Variants in TDRD3 observed in about 807,000 individuals in gnomAD.
The protein encoded by TDRD3 is tudor domain-containing protein 3.
A neutral mutation model predicts 86.7 loss-of-function variants in TDRD3; 45 were observed. The observed-to-expected ratio is 0.52, with a 90% CI of 0.41 to 0.67. TDRD3 has a LOEUF of 0.67. Ranked by LOEUF, TDRD3 falls within the 30% of genes least tolerant of loss-of-function variation. The pLI, the probability that TDRD3 is intolerant of heterozygous loss-of-function variation, is 0.00. For missense variants in TDRD3, 814 were observed against 889.0 expected, an observed-to-expected ratio of 0.92 and a Z score of 1.07; for synonymous variants, 298 against 301.7, an observed-to-expected ratio of 0.99 and a Z score of 0.13.
At chr13:60,564,038 C>T (rs1244403677) in intron 12 of TDRD3, among the ~76,000 whole-genome samples, 2 of 151,970 alleles carry the variant, frequency 1.3e-5, no homozygotes, top group Non-Finnish European at 2.9e-5. Flanking sequence ...ATGATTATTG[C>T]GGTTTTGTAT....
At chr13:60,449,161 G>A (rs1004952733) in intron 3 of TDRD3, among the ~76,000 whole-genome samples, 1 of 151,890 alleles carries the variant, frequency 6.6e-6, no homozygotes, top group Non-Finnish European at 1.5e-5. Context: ...TCTAGAAATC[G>A]GATGTTTTTA....
chr13:60,474,561 CT>C (rs1469071086), intron 5 of TDRD3, among the ~76,000 whole-genome samples: 1 of 152,204 alleles, frequency 6.6e-6, no homozygotes, highest in Non-Finnish European at 1.5e-5. Flanking sequence ...TGACTTCTTT[CT>C]TTCTACCTTC....
At chr13:60,532,997 G>A (rs1957619272) in intron 11 of TDRD3, among the ~76,000 whole-genome samples, 1 of 152,108 alleles carries the variant, frequency 6.6e-6, no homozygotes, top group Non-Finnish European at 1.5e-5. Context: ...GTCATGCTAA[G>A]ATATAGCATG....
At chr13:60,509,413 A>G (rs7994037) in intron 8 of TDRD3, 165 of 191,056 alleles carry the variant, frequency 8.6e-4, no homozygotes, top group African/African-American at 3.7e-3. Context: ...ATGGAGAAGT[A>G]TCAAAAAATT....
chr13:60,497,704 GTAGC>G (rs1392541925), intron 8 of TDRD3, among the ~76,000 whole-genome samples: 1 of 152,178 alleles, frequency 6.6e-6, no homozygotes, highest in Non-Finnish European at 1.5e-5. Flanking sequence ...GTAGGACCTT[GTAGC>G]TTGGAATGGG....
In TDRD3 at chr13:60,413,042, CA is replaced by C. The variant is rs1362250688; in HGVS notation, c.41+15639del. The stretch of plus-strand genomic sequence containing the variant: ...ATTCCCTGCAGTATCCCTGTACTCC[CA>C]ATTTTTTTTTTTTTTGCCTAAGTAC... On this transcript the variant is annotated intron_variant, in intron 1 of 13. Transcript: ENST00000377881. Among the ~76,000 whole-genome samples, 4 of 151,166 alleles carry C rather than the reference CA, an allele frequency of 2.6e-5. No homozygotes were observed. The East Asian group carries it at 7.8e-4, about 29-fold the overall frequency.
chr13:60,400,333 C>T (rs1014291660), intron 1 of TDRD3, among the ~76,000 whole-genome samples: 10 of 152,204 alleles, frequency 6.6e-5, no homozygotes, highest in Non-Finnish European at 1.5e-4. Flanking sequence ...GAGAAAGATT[C>T]AAAATGTTGA....
intron 1 of TDRD3, among the ~76,000 whole-genome samples, chr13:60,398,252 A>G (rs899134423): frequency 4.6e-5 from 7 of 152,196 alleles, no homozygotes; most frequent in African/African-American, 1.7e-4. Flanking sequence ...AAGATTTGCA[A>G]CGGCTCTCTG....
intron 12 of TDRD3, among the ~76,000 whole-genome samples, chr13:60,565,358 A>G (rs1479879010): frequency 6.6e-6 from 1 of 152,036 alleles, no homozygotes; most frequent in African/African-American, 2.4e-5. Flanking sequence ...CCCGGCCGTC[A>G]GTATCTTTTT....
intron 12 of TDRD3, among the ~76,000 whole-genome samples, chr13:60,542,313 T>G (rs184437988): frequency 6.6e-6 from 1 of 152,212 alleles, no homozygotes; most frequent in African/African-American, 2.4e-5. Context: ...TAAGTGGATC[T>G]GAAGGATATT....
At chr13:60,523,206 T>C (rs1253878582) in intron 10 of TDRD3, among the ~76,000 whole-genome samples, 1 of 152,194 alleles carries the variant, frequency 6.6e-6, no homozygotes, top group Non-Finnish European at 1.5e-5. Context: ...TACCTGATTT[T>C]CTACTACAAA....
chr13:60,559,095 A>C (rs1958274364), intron 12 of TDRD3, among the ~76,000 whole-genome samples: 1 of 151,992 alleles, frequency 6.6e-6, no homozygotes, highest in South Asian at 2.1e-4. Flanking sequence ...ATGTGTTTTG[A>C]ATAGAAGTAT....
At chr13:60,565,107 G>C (rs1408865538) in intron 12 of TDRD3, among the ~76,000 whole-genome samples, 1 of 137,162 alleles carries the variant, frequency 7.3e-6, no homozygotes, top group Non-Finnish European at 1.5e-5. Context: ...CCAGGCCGGA[G>C]TGCCGTGGCA....
At chr13:60,460,342 G>T in intron 3 of TDRD3, 38 bp from the exon 4 acceptor site, 1 of 1,530,438 alleles carries the variant, frequency 6.5e-7, no homozygotes, top group South Asian at 1.3e-5. Context: ...AGAGTTTCAT[G>T]ACTAGAAAGT....
At chr13:60,530,794 G>A (rs888828594) in intron 11 of TDRD3, among the ~76,000 whole-genome samples, 3 of 152,018 alleles carry the variant, frequency 2.0e-5, no homozygotes, top group Admixed American at 6.6e-5. Context: ...ATACAGTAAG[G>A]ATGTGCCTAT....
At position 60,408,080 on chromosome 13, in the gene TDRD3, C is replaced by T. The variant is rs1321545129; in HGVS notation, c.41+10675C>T. 3.9e-5 allele frequency among the ~76,000 whole-genome samples: 6 copies of T among 152,000 alleles called. 1 individual carries two copies. The South Asian group carries it at 6.2e-4, about 16-fold the overall frequency. On this transcript the variant is annotated intron_variant, in intron 1 of 13. Coordinates refer to ENST00000377881, the MANE Select transcript of TDRD3 (RefSeq NM_001146070.2). ...GCCATGATTCTGAGGCCTCCCCACC[C>T]GTGTGGAACTGTAAGCCCAAATAAG... is the stretch of plus-strand genomic sequence containing the variant.
intron 5 of TDRD3, among the ~76,000 whole-genome samples, chr13:60,482,493 A>G (rs976470454): frequency 1.3e-5 from 2 of 152,112 alleles, no homozygotes; most frequent in South Asian, 2.1e-4. Context: ...TTAATTATGT[A>G]ATGTTATTGA....
Position 60,506,135 on chromosome 13 carries a change from A to G in TDRD3, c.859-3628A>G, listed in dbSNP as rs181912894. Among the ~76,000 whole-genome samples, 270 of 152,312 alleles carry G rather than the reference A, an allele frequency of 1.8e-3. 2 individuals carry two copies. Among genetic ancestry groups the G allele is most frequent in the Non-Finnish European group, 6.0e-4 (41 of 68,028 alleles). ...AAATATTAAGGGAAGCCAGAGAGAA[A>G]GGTCAGGTTACCCTCAAAGGGAAAC... On this transcript the variant is annotated intron_variant, in intron 8 of 13. Coordinates refer to ENST00000377881, the MANE Select transcript of TDRD3 (RefSeq NM_001146070.2).
intron 12 of TDRD3, among the ~76,000 whole-genome samples, chr13:60,551,058 T>C (rs971796775): frequency 1.3e-5 from 2 of 152,218 alleles, no homozygotes; most frequent in Non-Finnish European, 2.9e-5. Context: ...TTTGTTTTAC[T>C]AATTTCATTA....
Sources: gnomAD v4.1 joint callset for allele counts (sites outside exome capture counted in the v4.1 genomes callset) on GRCh38, gnomAD v4.1.1 for gene constraint, MANE v1.5 for transcripts, NCBI Gene and HGNC (gene_info 2026-07-23, HGNC 2026-07-21) for gene names.